CSNK2A1: variants seen among roughly 807,000 people sequenced by gnomAD.
The protein encoded by CSNK2A1 is casein kinase II subunit alpha.
In CSNK2A1, 10 loss-of-function variants were observed where a neutral mutation model predicts 62.9. The observed-to-expected ratio is 0.16, with a 90% CI of 0.10 to 0.27. The LOEUF (loss-of-function observed/expected upper bound fraction) is 0.27. CSNK2A1 is among the 10% of genes least tolerant of loss of function. CSNK2A1 has a pLI of 1.00. For synonymous variants in CSNK2A1, 124 were observed against 167.8 expected (o/e 0.74, Z 2.02); for missense variants, 160 against 492.0 (o/e 0.33, Z 6.38).
At chr20:530,856 A>G (rs911896887) in intron 1 of CSNK2A1, among the ~76,000 whole-genome samples, 1 of 152,114 alleles carries the variant, frequency 6.6e-6, no homozygotes, top group Non-Finnish European at 1.5e-5. Context: ...AGGCTGAGGC[A>G]GGCGGATTAC....
chr20:505,255 T>C (rs1365491099), intron 3 of CSNK2A1, 26 bp from the exon 4 acceptor site: 3 of 1,559,958 alleles, frequency 1.9e-6, no homozygotes, highest in Non-Finnish European at 2.6e-6. Flanking sequence ...AAATGACTTA[T>C]AAACGGTCAA....
At chr20:513,967 C>T (rs544112684) in intron 2 of CSNK2A1, among the ~76,000 whole-genome samples, 5 of 152,126 alleles carry the variant, frequency 3.3e-5, no homozygotes, top group South Asian at 2.1e-4. Context: ...ATTAATTATA[C>T]GGGAAAATAA....
chr20:493,844 T>C (rs977377565), intron 8 of CSNK2A1, among the ~76,000 whole-genome samples: 1 of 152,220 alleles, frequency 6.6e-6, no homozygotes, highest in Non-Finnish European at 1.5e-5. Flanking sequence ...AATGGAGTCA[T>C]TGGCATATAA....
chr20:505,288 A>T, intron 3 of CSNK2A1, 59 bp from the exon 4 acceptor site: 1 of 1,284,872 alleles, frequency 7.8e-7, no homozygotes, highest in South Asian at 1.3e-5. Context: ...AATTCAAATT[A>T]CAGGAATCTA....
chr20:516,433 C>T (rs1379131733), intron 2 of CSNK2A1, among the ~76,000 whole-genome samples: 1 of 152,140 alleles, frequency 6.6e-6, no homozygotes, highest in Non-Finnish European at 1.5e-5. Context: ...AAGCCAACTG[C>T]ATGGGTCTGC....
intron 4 of CSNK2A1, chr20:503,477 ATG>A: frequency 2.5e-6 from 1 of 398,666 alleles, no homozygotes; most frequent in Non-Finnish European, 4.4e-6. Flanking sequence ...CACCCCAGCA[ATG>A]CACAGGAATA....
chr20:484,083 GA>G lies in CSNK2A1; in HGVS notation c.1061-8del. On this transcript the variant is annotated splice_region_variant and splice_polypyrimidine_tract_variant and intron_variant, in intron 13 of 13. Transcript: ENST00000217244. ...GTTGGCACTGAAGAAATCCCTGAAA[GA>G]AAAGAGCTGTCAGTGAGCCAAAGAC... 1.4e-6 allele frequency: 2 copies of G among 1,396,514 alleles called. No individual in the cohort carries two copies. Among genetic ancestry groups the G allele is most frequent in the Admixed American group, 2.4e-5 (1 of 41,230 alleles). The allele number at this position is 1,396,514 out of a possible 1,614,324, so 86.5% of individuals were successfully genotyped here. A position where few individuals can be genotyped will look rare whatever the true frequency, so the allele number is the denominator to read the frequency against.
intron 1 of CSNK2A1, chr20:540,936 C>T (rs967028977): frequency 2.6e-5 from 4 of 152,190 alleles, no homozygotes; most frequent in African/African-American, 9.7e-5. Flanking sequence ...TTGGTGGAAA[C>T]TGGGAAATTC....
At chr20:522,154 G>A (rs547491052) in intron 2 of CSNK2A1, among the ~76,000 whole-genome samples, 5 of 152,166 alleles carry the variant, frequency 3.3e-5, no homozygotes, top group Non-Finnish European at 7.3e-5. Context: ...TCTAGGAGGT[G>A]GAGCTCAATT....
rs1468120774 is a variant in CSNK2A1, at chr20:480,874, C to T, written c.*3087G>A. The T allele has an allele frequency of 1.3e-5, 2 of 152,190 alleles. No homozygotes were observed. Among genetic ancestry groups the T allele is most frequent in the African/African-American group, 2.4e-5 (1 of 41,448 alleles). 9.4% of individuals were successfully genotyped at this position (152,190 alleles called of 1,614,324 possible). ...AAGAAATTAAAATTCCCAAATCTGT[C>T]AACCAATCTCTAATTTTCTCTGCTA... On this transcript the variant is annotated 3_prime_UTR_variant, in exon 14 of 14. Coordinates refer to ENST00000217244, the MANE Select transcript of CSNK2A1 (RefSeq NM_177559.3).
chr20:506,157 T>TGA (rs1267555876), intron 3 of CSNK2A1: 12 of 152,294 alleles, frequency 7.9e-5, no homozygotes, highest in Non-Finnish European at 1.8e-4. Context: ...ATTACAGGCG[T>TGA]GAGCCACCGC....
chr20:515,491 G>C (rs1295851420), intron 2 of CSNK2A1, among the ~76,000 whole-genome samples: 1 of 152,116 alleles, frequency 6.6e-6, no homozygotes, highest in Non-Finnish European at 1.5e-5. Context: ...CTACAAATAA[G>C]AACAGCCTAA....
chr20:512,208 C>CTTTTTTTTTTTTTT (rs546700255), intron 2 of CSNK2A1, among the ~76,000 whole-genome samples: 2 of 144,254 alleles, frequency 1.4e-5, no homozygotes, highest in African/African-American at 5.1e-5. Flanking sequence ...TCTTCTTCTT[C>CTTTTTTTTTTTTTT]TTTTTTTTTT....
At chr20:488,308 A>G (rs1400987155) in intron 11 of CSNK2A1, 1 of 202,550 alleles carries the variant, frequency 4.9e-6, no homozygotes, top group Non-Finnish European at 9.9e-6. Context: ...CCCAGCCTGC[A>G]CATCAGTCTT....
intron 2 of CSNK2A1, among the ~76,000 whole-genome samples, chr20:517,199 C>T (rs1335818617): frequency 6.6e-6 from 1 of 152,206 alleles, no homozygotes; most frequent in Non-Finnish European, 1.5e-5. Context: ...TTGCCCATTT[C>T]CCTTTACAAA....
intron 1 of CSNK2A1, among the ~76,000 whole-genome samples, chr20:536,768 C>T (rs1052214851): frequency 6.6e-6 from 1 of 152,136 alleles, no homozygotes; most frequent in Non-Finnish European, 1.5e-5. Flanking sequence ...GTATGATATG[C>T]CTGTTATCAG....
chr20:522,629 T>C (rs1487555446), intron 2 of CSNK2A1, among the ~76,000 whole-genome samples: 42 of 152,206 alleles, frequency 2.8e-4, no homozygotes, highest in Non-Finnish European at 4.4e-5. Flanking sequence ...ATACAACTGG[T>C]AAAATCCAAA....
chr20:483,485 T>G lies in CSNK2A1; in HGVS notation c.*476A>C, dbSNP rs2017996745. On this transcript the variant is annotated 3_prime_UTR_variant, in exon 14 of 14. Transcript: ENST00000217244. ...TTGGGTCCTCCCTTCCTTCTTTCCT[T>G]CCTTCCTTTCTTCCTGCCTCCCCTG... is the stretch of plus-strand genomic sequence containing the variant. 1 of 152,678 alleles carries G rather than the reference T, an allele frequency of 6.5e-6. No homozygotes were observed. Among genetic ancestry groups the G allele is most frequent in the Non-Finnish European group, 1.5e-5 (1 of 68,082 alleles). The allele number at this position is 152,678 out of a possible 1,614,324, so 9.5% of individuals were successfully genotyped here. A position where few individuals can be genotyped will look rare whatever the true frequency, so the allele number is the denominator to read the frequency against.
At chr20:506,932 T>C (rs2018615779) in intron 3 of CSNK2A1, 1 of 152,174 alleles carries the variant, frequency 6.6e-6, no homozygotes, top group African/African-American at 2.4e-5. Flanking sequence ...ATTCCTATAG[T>C]AAACACAGTG....
Sources: allele counts gnomAD v4.1 joint callset (sites outside exome capture counted in the v4.1 genomes callset), GRCh38; gene constraint gnomAD v4.1.1; transcripts MANE v1.5; gene names NCBI Gene and HGNC (gene_info 2026-07-23, HGNC 2026-07-21).